SSBP2: variants seen among roughly 807,000 people sequenced by gnomAD.
The protein encoded by SSBP2 is single stranded DNA binding protein 2, also known as single-stranded DNA-binding protein 2.
SSBP2 carries 17 observed loss-of-function variants against 61.8 expected under a neutral mutation model. The ratio of observed to expected loss-of-function variants is 0.28; its 90% CI spans 0.19 to 0.41. The LOEUF (loss-of-function observed/expected upper bound fraction) is 0.41. Ranked by LOEUF, SSBP2 falls within the 10% of genes least tolerant of loss-of-function variation. SSBP2 has a pLI of 1.00. For synonymous variants in SSBP2, 139 were observed against 141.3 expected, an observed-to-expected ratio of 0.98 and a Z score of 0.12; for missense variants, 310 against 458.7, an observed-to-expected ratio of 0.68 and a Z score of 2.96.
At chr5:81,658,518 C>T (rs1253872125) in intron 1 of SSBP2, among the ~76,000 whole-genome samples, 1 of 152,128 alleles carries the variant, frequency 6.6e-6, no homozygotes, top group African/African-American at 2.4e-5. Flanking sequence ...CTACCCAGTA[C>T]AATGTAAATG....
At chr5:81,606,747 C>G (rs1237053977) in intron 4 of SSBP2, among the ~76,000 whole-genome samples, 1 of 152,126 alleles carries the variant, frequency 6.6e-6, no homozygotes, top group Non-Finnish European at 1.5e-5. Flanking sequence ...TAGAATCCTA[C>G]ACAAAAAGAA....
At chr5:81,662,906 T>TATCA (rs1750815815) in intron 1 of SSBP2, among the ~76,000 whole-genome samples, 1 of 152,208 alleles carries the variant, frequency 6.6e-6, no homozygotes, top group Non-Finnish European at 1.5e-5. Context: ...TGCCAACAGG[T>TATCA]ATCATCTAAC....
At chr5:81,520,673 T>C (rs1252269224) in intron 4 of SSBP2, among the ~76,000 whole-genome samples, 1 of 152,144 alleles carries the variant, frequency 6.6e-6, no homozygotes, top group African/African-American at 2.4e-5. Context: ...ATTGTTATAA[T>C]TTCCCATGGA....
intron 10 of SSBP2, among the ~76,000 whole-genome samples, chr5:81,458,718 C>T (rs1764334235): frequency 6.6e-6 from 1 of 152,118 alleles, no homozygotes; most frequent in South Asian, 2.1e-4. Context: ...TGGAATTCAA[C>T]ATAATTTGGA....
At chr5:81,573,499 G>T (rs1326857874) in intron 4 of SSBP2, among the ~76,000 whole-genome samples, 2 of 152,144 alleles carry the variant, frequency 1.3e-5, no homozygotes, top group Non-Finnish European at 2.9e-5. Context: ...GACCTCAAAG[G>T]GTTATAGTCT....
intron 4 of SSBP2, among the ~76,000 whole-genome samples, chr5:81,537,857 C>G (rs1345506411): frequency 6.6e-6 from 1 of 151,970 alleles, no homozygotes; most frequent in African/African-American, 2.4e-5. Flanking sequence ...TGAAATTAGG[C>G]CAATATTGAA....
At chr5:81,653,509 T>C (rs894542880) in intron 1 of SSBP2, among the ~76,000 whole-genome samples, 1 of 152,338 alleles carries the variant, frequency 6.6e-6, no homozygotes, top group African/African-American at 2.4e-5. Flanking sequence ...TCCAGATCCT[T>C]GAGGAATCGC....
At chr5:81,531,940 AGT>A (rs1770444049) in intron 4 of SSBP2, among the ~76,000 whole-genome samples, 2 of 152,140 alleles carry the variant, frequency 1.3e-5, no homozygotes, top group Admixed American at 1.3e-4. Context: ...AGGTGAAAGC[AGT>A]GTATCCATGC....
chr5:81,570,591 CA>C (rs1202695052), intron 4 of SSBP2, among the ~76,000 whole-genome samples: 3 of 152,188 alleles, frequency 2.0e-5, no homozygotes, highest in African/African-American at 7.2e-5. Flanking sequence ...ATTCCTCCAA[CA>C]GGGGCGTCTG....
At chr5:81,491,059 C>T (rs1008096515) in intron 5 of SSBP2, among the ~76,000 whole-genome samples, 1 of 152,180 alleles carries the variant, frequency 6.6e-6, no homozygotes, top group African/African-American at 2.4e-5. Flanking sequence ...CACACTCTCT[C>T]TGTTATTTTC....
chr5:81,525,500 G>C (rs927541118), intron 4 of SSBP2, among the ~76,000 whole-genome samples: 1 of 152,046 alleles, frequency 6.6e-6, no homozygotes, highest in South Asian at 2.1e-4. Flanking sequence ...ACATTCTTGA[G>C]AGTTCTTTCC....
chr5:81,645,129 T>C (rs1749140481), intron 2 of SSBP2, among the ~76,000 whole-genome samples: 1 of 152,212 alleles, frequency 6.6e-6, no homozygotes, highest in East Asian at 1.9e-4. Flanking sequence ...TTGTTACAAT[T>C]ATCATCATCT....
chr5:81,592,594 T>G (rs1441984584), intron 4 of SSBP2, among the ~76,000 whole-genome samples: 1 of 152,106 alleles, frequency 6.6e-6, no homozygotes, highest in African/African-American at 2.4e-5. Context: ...CACCCCCTAG[T>G]AGGGGCGGAC....
chr5:81,581,497 GA>G (rs1458990682), intron 4 of SSBP2, among the ~76,000 whole-genome samples: 1 of 152,138 alleles, frequency 6.6e-6, no homozygotes, highest in Non-Finnish European at 1.5e-5. Flanking sequence ...ACTCTAAGTT[GA>G]AAAATTCCAT....
At chr5:81,615,149 A>T (rs1302487042) in intron 4 of SSBP2, 1 of 186,752 alleles carries the variant, frequency 5.4e-6, no homozygotes, top group Non-Finnish European at 1.1e-5. Context: ...GAAATCTTAT[A>T]ATGAATGTTT....
chr5:81,660,244 G>A (rs1095605), intron 1 of SSBP2, among the ~76,000 whole-genome samples: 57,118 of 151,874 alleles, frequency 0.38, 11,068 homozygotes, highest in Middle Eastern at 0.57. Flanking sequence ...CCTACAGAAT[G>A]GGAGAAAATT....
chr5:81,570,350 C>T (rs1318330781), intron 4 of SSBP2, among the ~76,000 whole-genome samples: 1 of 152,178 alleles, frequency 6.6e-6, no homozygotes, highest in South Asian at 2.1e-4. Context: ...ACATGAATAG[C>T]ACCAGAATTC....
chr5:81,533,228 T>A (rs1011021742), intron 4 of SSBP2, among the ~76,000 whole-genome samples: 5 of 151,764 alleles, frequency 3.3e-5, no homozygotes, highest in African/African-American at 1.2e-4. Context: ...AAAAACATAA[T>A]GCACCTGAAA....
chr5:81,613,387 A>G (rs190141261), intron 4 of SSBP2, among the ~76,000 whole-genome samples: 34 of 152,280 alleles, frequency 2.2e-4, no homozygotes, highest in Admixed American at 2.0e-3. Flanking sequence ...AAACCTATTT[A>G]AGTGTATTTC....
Sources: allele counts gnomAD v4.1 joint callset (sites outside exome capture counted in the v4.1 genomes callset), GRCh38; gene constraint gnomAD v4.1.1; transcripts MANE v1.5; gene names NCBI Gene and HGNC (gene_info 2026-07-23, HGNC 2026-07-21).